HOXC4: variants seen among roughly 807,000 people sequenced by gnomAD.
The protein encoded by HOXC4 is homeobox protein Hox-C4.
HOXC4 carries 15 observed loss-of-function variants against 25.5 expected under a neutral mutation model. That is an observed-to-expected ratio of 0.59 (90% CI 0.39 to 0.91). The LOEUF (loss-of-function observed/expected upper bound fraction) is 0.91. Ranked by LOEUF, HOXC4 falls within the 40% of genes least tolerant of loss-of-function variation. The probability of loss-of-function intolerance (pLI) is 0.00; values close to 1 mark genes in which losing one functional copy is unlikely to be tolerated. For synonymous variants in HOXC4, 165 were observed against 148.0 expected (o/e 1.11, Z -0.83); for missense variants, 342 against 352.4 (o/e 0.97, Z 0.24).
At chr12:54,031,336 G>C (rs1231244530) in intron 1 of HOXC4, among the ~76,000 whole-genome samples, 1 of 152,208 alleles carries the variant, frequency 6.6e-6, no homozygotes, top group Non-Finnish European at 1.5e-5. Context: ...GGAAAGAGAA[G>C]ACCGCGGGAC....
At position 54,033,129 on chromosome 12, in the gene HOXC4, T is replaced by G. The variant is rs550186472; in HGVS notation, c.-124+15715T>G. The G allele has an allele frequency of 1.7e-5, 27 of 1,602,738 alleles. 1 individual carries two copies. In the South Asian group the frequency reaches 2.1e-4, roughly 12 times the overall value. Reference sequence around the variant, plus strand: ...TTTTTGGGCCCTCCCCGCCATGAGCTCCTACGTAGCCAATTCATTCTATAA... The same window carrying G: ...TTTTTGGGCCCTCCCCGCCATGAGCGCCTACGTAGCCAATTCATTCTATAA... On this transcript the variant is annotated intron_variant, in intron 1 of 3. Coordinates refer to the HOXC4 transcript ENST00000303406.
At chr12:54,034,009 G>A in intron 1 of HOXC4, 1 of 662,006 alleles carries the variant, frequency 1.5e-6, no homozygotes, top group Non-Finnish European at 2.9e-6. Context: ...TTATTGTTCG[G>A]TCCGAGCCTG....
intron 1 of HOXC4, among the ~76,000 whole-genome samples, chr12:54,037,193 T>C (rs1941199623): frequency 6.6e-6 from 1 of 152,238 alleles, no homozygotes; most frequent in Non-Finnish European, 1.5e-5. Context: ...AGAGGCCTCG[T>C]ACCTACTTCC....
chr12:54,054,179 C>T lies in HOXC4; in HGVS notation c.257C>T (p.Ala86Val). Residue 86 changes from alanine (A) to valine (V), a missense_variant, in exon 1 of 2, where the codon GCG becomes GTG. By Grantham distance (64) the Ala-to-Val change is moderately conservative. Transcript: ENST00000430889. ...GNSRGHGPAQ[A>V]GHHHPEKSQS... Reference sequence around the variant, plus strand: ...TCGCGAGGCCACGGGCCGGCCCAGGCGGGCCACCACCACCCCGAGAAATCA... The same window carrying T: ...TCGCGAGGCCACGGGCCGGCCCAGGTGGGCCACCACCACCCCGAGAAATCA... 1.2e-6 allele frequency: 2 copies of T among 1,613,564 alleles called. No individual in the cohort carries two copies. Among genetic ancestry groups the T allele is most frequent in the Non-Finnish European group, 1.7e-6 (2 of 1,179,772 alleles).
intron 1 of HOXC4, among the ~76,000 whole-genome samples, chr12:54,038,242 T>G (rs116975645): frequency 1.9e-3 from 293 of 152,318 alleles, no homozygotes; most frequent in Non-Finnish European, 3.1e-3. Flanking sequence ...TTATTCTCTC[T>G]GACTGCAAGT....
chr12:54,026,945 C>CG (rs1165153052), intron 1 of HOXC4, among the ~76,000 whole-genome samples: 22 of 138,616 alleles, frequency 1.6e-4, no homozygotes, highest in African/African-American at 6.1e-4. Flanking sequence ...TTCCCCCCCC[C>CG]CAACCCACCC....
At chr12:54,022,938 G>A (rs371553669) in intron 1 of HOXC4, among the ~76,000 whole-genome samples, 35 of 152,270 alleles carry the variant, frequency 2.3e-4, no homozygotes, top group East Asian at 7.7e-4. Flanking sequence ...CCCCTATTGC[G>A]GCTTCTTCCT....
intron 1 of HOXC4, chr12:54,034,638 C>T: frequency 3.0e-6 from 2 of 661,696 alleles, no homozygotes; most frequent in East Asian, 2.7e-5. Context: ...AGCGCTTTTC[C>T]TTGGCATTCC....
At chr12:54,025,431 C>T (rs189986609) in intron 1 of HOXC4, among the ~76,000 whole-genome samples, 1 of 151,760 alleles carries the variant, frequency 6.6e-6, no homozygotes, top group African/African-American at 2.4e-5. Flanking sequence ...CTGCTCTCCC[C>T]CCTTGGAGCG....
intron 1 of HOXC4, among the ~76,000 whole-genome samples, chr12:54,040,257 C>A (rs1007613276): frequency 6.6e-6 from 1 of 152,104 alleles, no homozygotes. Context: ...GACTTTAACC[C>A]AAGGAGAGGT....
At chr12:54,053,593 A>C (rs1445444036), upstream of HOXC4, among the ~76,000 whole-genome samples, 2 of 152,076 alleles carry the variant, frequency 1.3e-5, no homozygotes, top group African/African-American at 2.4e-5. Context: ...CGGGCTTTGG[A>C]GGGGAGCCGG....
At chr12:54,032,985 G>A in intron 1 of HOXC4, 2 of 686,488 alleles carry the variant, frequency 2.9e-6, no homozygotes, top group Non-Finnish European at 4.8e-6. Context: ...TATTTGGGAA[G>A]AGCGCATAGG....
intron 1 of HOXC4, among the ~76,000 whole-genome samples, chr12:54,026,282 T>G (rs1026089279): frequency 2.6e-5 from 4 of 152,086 alleles, no homozygotes; most frequent in African/African-American, 7.2e-5. Flanking sequence ...CCTGCCTTGT[T>G]GTCTCTCCCC....
intron 1 of HOXC4, among the ~76,000 whole-genome samples, chr12:54,019,426 G>A (rs941565128): frequency 3.3e-5 from 5 of 152,162 alleles, no homozygotes; most frequent in African/African-American, 1.2e-4. Context: ...AGGGAGTGCG[G>A]TGGGACACAA....
chr12:54,021,909 C>T (rs960552914), intron 1 of HOXC4: 2 of 152,460 alleles, frequency 1.3e-5, no homozygotes, highest in Admixed American at 6.5e-5. Context: ...ACTCCCTCCC[C>T]TTTCCAGCAA....
intron 1 of HOXC4, chr12:54,034,808 C>A: frequency 2.9e-6 from 1 of 345,430 alleles, no homozygotes; most frequent in South Asian, 3.1e-5. Context: ...TGGCCTGGGC[C>A]GTATCTCCGG....
intron 1 of HOXC4, among the ~76,000 whole-genome samples, chr12:54,046,293 C>T (rs776475012): frequency 1.3e-5 from 2 of 152,210 alleles, no homozygotes; most frequent in Non-Finnish European, 2.9e-5. Context: ...AACTCCTCGG[C>T]TCCTTTGGCT....
At position 54,027,691 on chromosome 12, in the gene HOXC4, A is replaced by G. The variant is rs371507600; in HGVS notation, c.-124+10277A>G. Among the ~76,000 whole-genome samples the G allele has an allele frequency of 7.2e-5, 11 of 152,158 alleles. No homozygotes were observed. The South Asian group carries it at 2.3e-3, about 32-fold the overall frequency. On this transcript the variant is annotated intron_variant, in intron 1 of 3. Transcript: ENST00000303406. ...CAAAAATGCTGGAAGAGTTTTCCCA[A>G]CAGAGGGGTCCTGAGAAGGAGGCAG... is the stretch of plus-strand genomic sequence containing the variant.
chr12:54,030,142 ACT>A (rs1940927740), intron 1 of HOXC4: 2 of 560,840 alleles, frequency 3.6e-6, no homozygotes, highest in Admixed American at 3.3e-5. Context: ...TCACCGCACA[ACT>A]CTCTTTCACC....
Sources: gnomAD v4.1 joint callset for allele counts (sites outside exome capture counted in the v4.1 genomes callset) on GRCh38, gnomAD v4.1.1 for gene constraint, MANE v1.5 for transcripts, NCBI Gene and HGNC (gene_info 2026-07-23, HGNC 2026-07-21) for gene names.